CACNA2D1: variants seen among roughly 807,000 people sequenced by gnomAD.
CACNA2D1 encodes voltage-dependent calcium channel subunit alpha-2/delta-1.
Under a neutral mutation model 171.5 loss-of-function variants are expected in CACNA2D1, and 53 were observed. That is an observed-to-expected ratio of 0.31 (90% CI 0.25 to 0.39). The LOEUF is 0.39. Ranked by LOEUF, CACNA2D1 falls within the 10% of genes least tolerant of loss-of-function variation. The probability of loss-of-function intolerance (pLI) is 1.00; values close to 1 mark genes in which losing one functional copy is unlikely to be tolerated. For synonymous variants in CACNA2D1, 442 were observed against 443.1 expected (o/e 1.00, Z 0.03); for missense variants, 903 against 1,299.8 (o/e 0.69, Z 4.69).
chr7:82,172,214 G>A (rs180842148), intron 3 of CACNA2D1, among the ~76,000 whole-genome samples: 35 of 151,920 alleles, frequency 2.3e-4, no homozygotes, highest in African/African-American at 7.7e-4. Flanking sequence ...ACCAAAAGGC[G>A]GCTCCCTCTC....
chr7:82,169,002 C>A (rs564869696), intron 4 of CACNA2D1, among the ~76,000 whole-genome samples: 1 of 152,168 alleles, frequency 6.6e-6, no homozygotes, highest in South Asian at 2.1e-4. Flanking sequence ...TCTAGCCATA[C>A]ATCTATTATG....
chr7:81,996,895 T>C (rs37106), intron 19 of CACNA2D1, among the ~76,000 whole-genome samples: 1,644 of 152,110 alleles, frequency 0.011, 31 homozygotes, highest in African/African-American at 0.036. Context: ...TTACTGAAGT[T>C]TACAAGATAC....
At chr7:82,263,693 G>C (rs374075101) in intron 3 of CACNA2D1, among the ~76,000 whole-genome samples, 1 of 152,006 alleles carries the variant, frequency 6.6e-6, no homozygotes, top group African/African-American at 2.4e-5. Flanking sequence ...GTTTTGTTTC[G>C]TTTTGTTTTG....
intron 3 of CACNA2D1, among the ~76,000 whole-genome samples, chr7:82,325,811 C>T (rs768806506): frequency 7.2e-5 from 11 of 152,208 alleles, no homozygotes; most frequent in African/African-American, 2.2e-4. Context: ...TCATTTTGTT[C>T]GATATTGTTT....
chr7:82,221,774 CAA>C (rs34604173), intron 3 of CACNA2D1, among the ~76,000 whole-genome samples: 6 of 125,360 alleles, frequency 4.8e-5, no homozygotes, highest in Admixed American at 1.6e-4. Context: ...TCACTGTTAC[CAA>C]AAAAAAAAAA....
chr7:82,359,717 G>C (rs112129843), intron 1 of CACNA2D1, among the ~76,000 whole-genome samples: 2,467 of 152,078 alleles, frequency 0.016, 32 homozygotes, highest in Non-Finnish European at 0.026. Flanking sequence ...CCTACAAAAT[G>C]TTACACATAC....
At chr7:82,370,557 G>GGATA (rs1822280703) in intron 1 of CACNA2D1, among the ~76,000 whole-genome samples, 1 of 132,586 alleles carries the variant, frequency 7.5e-6, no homozygotes, top group Non-Finnish European at 1.6e-5. Flanking sequence ...AGGGATGGAT[G>GGATA]GATGGATGGA....
chr7:81,950,654 A>G, intron 38 of CACNA2D1, 146 bp from the exon 39 acceptor site: 1 of 1,193,398 alleles, frequency 8.4e-7, no homozygotes, highest in South Asian at 1.6e-5. Flanking sequence ...AAATCCAAAG[A>G]AATTACTTTC....
At chr7:82,252,609 T>C (rs980931582) in intron 3 of CACNA2D1, among the ~76,000 whole-genome samples, 1 of 152,138 alleles carries the variant, frequency 6.6e-6, no homozygotes, top group Non-Finnish European at 1.5e-5. Context: ...AGGAAACACT[T>C]GGCCGGGCGT....
chr7:82,013,394 AT>A, intron 14 of CACNA2D1, 66 bp downstream of exon 14: 1 of 652,878 alleles, frequency 1.5e-6, no homozygotes, highest in Non-Finnish European at 2.3e-6. Flanking sequence ...CATATTGAGC[AT>A]ATTTAAACCA....
chr7:82,181,390 G>A (rs1407372369), intron 3 of CACNA2D1, among the ~76,000 whole-genome samples: 2 of 152,224 alleles, frequency 1.3e-5, no homozygotes, highest in East Asian at 1.9e-4. Flanking sequence ...TAAGAGTCAC[G>A]ATGTCTTTAG....
At chr7:82,332,512 A>AAGAAAGAAAGAAAGAAAGAAAG (rs1817441479) in intron 3 of CACNA2D1, among the ~76,000 whole-genome samples, 1 of 77,802 alleles carries the variant, frequency 1.3e-5, no homozygotes, top group African/African-American at 4.9e-5. Flanking sequence ...AAGAAATATA[A>AAGAAAGAAAGAAAGAAAGAAAG]AGAAAGAAAG....
chr7:82,427,128 T>C (rs1170393536), intron 1 of CACNA2D1, among the ~76,000 whole-genome samples: 3 of 152,202 alleles, frequency 2.0e-5, no homozygotes, highest in African/African-American at 7.2e-5. Flanking sequence ...GGGGAACTTA[T>C]CTGTACTTGA....
chr7:82,205,206 C>T (rs1799888660), intron 3 of CACNA2D1, among the ~76,000 whole-genome samples: 1 of 152,074 alleles, frequency 6.6e-6, no homozygotes, highest in Non-Finnish European at 1.5e-5. Context: ...GGGCTGGAAT[C>T]TGATATTTGG....
At chr7:82,111,516 T>C (rs1328920730) in intron 6 of CACNA2D1, among the ~76,000 whole-genome samples, 3 of 144,950 alleles carry the variant, frequency 2.1e-5, no homozygotes. Context: ...GGCACAATCA[T>C]AACTCACTGA....
chr7:82,328,904 C>A (rs1816958364), intron 3 of CACNA2D1, among the ~76,000 whole-genome samples: 1 of 152,042 alleles, frequency 6.6e-6, no homozygotes, highest in Admixed American at 6.6e-5. Context: ...CCCTAATAGC[C>A]AAACATGATA....
At chr7:81,995,011 G>A in intron 19 of CACNA2D1, 72 bp from the exon 20 acceptor site, 2 of 780,510 alleles carry the variant, frequency 2.6e-6, no homozygotes, top group Non-Finnish European at 4.6e-6. Context: ...TATTAACATG[G>A]TAGTTTTTCA....
At chr7:82,293,064 T>G (rs1374752289) in intron 3 of CACNA2D1, among the ~76,000 whole-genome samples, 1 of 152,070 alleles carries the variant, frequency 6.6e-6, no homozygotes, top group Admixed American at 6.6e-5. Flanking sequence ...ATTTTTTATT[T>G]CTTTGCCTTT....
At chr7:82,017,610 G>GTTTTT (rs56933598) in intron 12 of CACNA2D1, among the ~76,000 whole-genome samples, 7 of 148,676 alleles carry the variant, frequency 4.7e-5, no homozygotes, top group Admixed American at 1.3e-4. Flanking sequence ...TTCTTCAGAT[G>GTTTTT]TTTTTTTTTT....
Sources: allele counts gnomAD v4.1 joint callset (sites outside exome capture counted in the v4.1 genomes callset), GRCh38; gene constraint gnomAD v4.1.1; transcripts MANE v1.5; gene names NCBI Gene and HGNC (gene_info 2026-07-23, HGNC 2026-07-21).